TTC13: variants seen among roughly 807,000 people sequenced by gnomAD.
The protein encoded by TTC13 is tetratricopeptide repeat protein 13.
A neutral mutation model predicts 120.0 loss-of-function variants in TTC13; 62 were observed. The observed-to-expected ratio is 0.52, with a 90% CI of 0.42 to 0.64. The LOEUF (loss-of-function observed/expected upper bound fraction) is 0.64. Ranked by LOEUF, TTC13 falls within the 30% of genes least tolerant of loss-of-function variation. The pLI is 0.00. For missense variants in TTC13, 824 were observed against 1,050.2 expected, an observed-to-expected ratio of 0.78 and a Z score of 2.98; for synonymous variants, 384 against 393.5, an observed-to-expected ratio of 0.98 and a Z score of 0.28.
rs4397661 is a variant in TTC13, at chr1:230,944,333, A to G, written c.580-435T>C. 0.88 allele frequency among the ~76,000 whole-genome samples: 133,744 copies of G among 152,286 alleles called. 58,723 individuals are homozygous for G. Among genetic ancestry groups the G allele is most frequent in the East Asian group, 0.98 (5,071 of 5,182 alleles). ...TCTATACCTTAAGAAGTTTAGGTAC[A>G]TTCTCTTTAACATTTGCACATTATT... On this transcript the variant is annotated intron_variant, in intron 5 of 22. Transcript: ENST00000366661. The surrounding 1 kb of genome is among the most constrained non-coding windows in gnomAD (Gnocchi z 4.0).
chr1:230,925,593 A>G lies in TTC13; in HGVS notation c.1512T>C (p.Ile504=). 1 of 1,614,144 alleles carries G rather than the reference A, an allele frequency of 6.2e-7. No individual in the cohort carries two copies. The highest frequency in any genetic ancestry group is 1.1e-5 in the South Asian group (1 of 91,086). ...GGGATCCCAAACGATCAGCCACACA[A>G]ATCAGCTCCTGTACTTCAGGCTTAT... ...ESYKPEVQEL[I]CVADRLGSLM... Residue 504 remains isoleucine (I), a synonymous_variant, in exon 13 of 23, where the codon ATT becomes ATC. Coordinates refer to ENST00000366661, the MANE Select transcript of TTC13 (RefSeq NM_024525.5).
rs776968755 is a variant in TTC13 at position 230,934,450 on chromosome 1, C to T, written c.901-589G>A. Among the ~76,000 whole-genome samples, 3 of 152,278 alleles carry T rather than the reference C, an allele frequency of 2.0e-5. 1 individual carries two copies. Among genetic ancestry groups the T allele is most frequent in the African/African-American group, 7.2e-5 (3 of 41,548 alleles). The stretch of plus-strand genomic sequence containing the variant: ...GGAGGTGTTTGGGGTTAGCTTCCAT[C>T]GGCCTAACACCAAGTCTGTGGCTAA... On this transcript the variant is annotated intron_variant, in intron 8 of 22. Transcript: ENST00000366661.
intron 15 of TTC13, 100 bp from the exon 16 acceptor site, chr1:230,921,604 G>C: frequency 1.5e-6 from 1 of 663,586 alleles, no homozygotes; most frequent in Non-Finnish European, 2.4e-6. Flanking sequence ...AAGAAACTAT[G>C]AGAATAATGT....
At position 230,928,980 on chromosome 1, in the gene TTC13, T is replaced by C. The variant is rs2102825122; in HGVS notation, c.1414A>G (p.Ile472Val). The change falls in exon 12 of 23, where the codon ATA (isoleucine) becomes GTA (valine). Residue 472 changes from isoleucine (I) to valine (V), a missense_variant. Ile to Val is a conservative substitution (Grantham distance 29). Around this residue, in one of 4 missense-constraint regions of TTC13, gnomAD observed 430 missense variants for 626.8 expected, o/e 0.69. Coordinates refer to ENST00000366661, the MANE Select transcript of TTC13 (RefSeq NM_024525.5). ...DHWAKNLPFL[I>V]EDYEEQPGLQ... The stretch of plus-strand genomic sequence containing the variant: ...CCTGGCTGCTCTTCGTAGTCTTCTA[T>C]GAGGAAAGGCAAATTTTTAGCCCAG... The C allele has an allele frequency of 1.2e-6, 2 of 1,614,200 alleles. No homozygotes were observed. Among genetic ancestry groups the C allele is most frequent in the Non-Finnish European group, 1.7e-6 (2 of 1,180,030 alleles).
intron 1 of TTC13, among the ~76,000 whole-genome samples, chr1:230,964,962 T>C (rs1414765321): frequency 6.6e-6 from 1 of 152,186 alleles, no homozygotes; most frequent in Non-Finnish European, 1.5e-5. Flanking sequence ...TCCCTCACCA[T>C]ATACAAAATG....
chr1:230,956,236 C>T (rs1044617178), intron 3 of TTC13, among the ~76,000 whole-genome samples: 4 of 152,238 alleles, frequency 2.6e-5, no homozygotes, highest in African/African-American at 4.8e-5. Flanking sequence ...CAGCCCGGTA[C>T]GCTGAGAAAA....
At chr1:230,930,223 T>C (rs1002086272) in intron 11 of TTC13, among the ~76,000 whole-genome samples, 31 of 152,352 alleles carry the variant, frequency 2.0e-4, no homozygotes, top group African/African-American at 5.8e-4. Flanking sequence ...CAACAAATAA[T>C]GTAAAGTATC....
At chr1:230,964,829 G>A (rs1002371722) in intron 1 of TTC13, among the ~76,000 whole-genome samples, 2 of 152,076 alleles carry the variant, frequency 1.3e-5, no homozygotes, top group Admixed American at 6.5e-5. Context: ...AAATCTACAC[G>A]CCTACAGTGA....
Position 230,917,694 on chromosome 1 carries a change from ACT to A in TTC13, c.1984-1394_1984-1393del, listed in dbSNP as rs1345650163. ...TTGGTGATTTCACACCGAGAGGCACACTGAGGCTGGCGATGCCGCGTCTCAGG... is the reference window on the plus strand; with the variant it reads ...TTGGTGATTTCACACCGAGAGGCACAGAGGCTGGCGATGCCGCGTCTCAGG... On this transcript the variant is annotated intron_variant, in intron 17 of 22. Coordinates refer to ENST00000366661, the MANE Select transcript of TTC13 (RefSeq NM_024525.5). 3.3e-5 allele frequency among the ~76,000 whole-genome samples: 5 copies of A among 152,316 alleles called. No individual in the cohort carries two copies. In the East Asian group the frequency reaches 9.7e-4, roughly 29 times the overall value.
chr1:230,946,012 C>A (rs111895951), intron 4 of TTC13, among the ~76,000 whole-genome samples: 17 of 152,284 alleles, frequency 1.1e-4, no homozygotes, highest in African/African-American at 4.1e-4. Flanking sequence ...ACTCTTTTTG[C>A]AGCCTGCTCC....
intron 4 of TTC13, among the ~76,000 whole-genome samples, chr1:230,945,898 A>T (rs1674947442): frequency 1.3e-5 from 2 of 152,242 alleles, no homozygotes; most frequent in Non-Finnish European, 2.9e-5. Flanking sequence ...AAAGGAAAGA[A>T]CCACTCAGTG....
rs1444471540 is a variant in TTC13, at chr1:230,958,338, T to C, written c.367-39A>G. 7.7e-6 allele frequency: 12 copies of C among 1,559,350 alleles called. No individual in the cohort carries two copies. The Admixed American group carries it at 1.5e-4, about 19-fold the overall frequency. The stretch of plus-strand genomic sequence containing the variant: ...AAAAAAAACCCATACATTTTAGCTA[T>C]CACAAATGAAAGAAAACTTGTATTA... On this transcript the variant is annotated intron_variant, in intron 2 of 22. Coordinates refer to ENST00000366661, the MANE Select transcript of TTC13 (RefSeq NM_024525.5).
rs1180046035 is a variant in TTC13 at position 230,942,335 on chromosome 1, AG to A, written c.672+1470del. 6.6e-6 allele frequency among the ~76,000 whole-genome samples: 1 copy of A among 152,212 alleles called. No individual in the cohort carries two copies. The highest frequency in any genetic ancestry group is 1.5e-5 in the Non-Finnish European group (1 of 68,034). On this transcript the variant is annotated intron_variant, in intron 6 of 22. Coordinates refer to ENST00000366661, the MANE Select transcript of TTC13 (RefSeq NM_024525.5). This position sits in a 1 kb window ranked among gnomAD's most constrained non-coding sequence, Gnocchi z 4.0. ...AACTAAATACCAGCAAGTCTCATGC[AG>A]TGATAAACTATAGTCACTTAACCCT...
intron 17 of TTC13, 183 bp downstream of exon 17, chr1:230,920,327 C>A: frequency 2.3e-6 from 1 of 436,586 alleles, no homozygotes; most frequent in Non-Finnish European, 4.1e-6. Flanking sequence ...ACTGCTTCCT[C>A]ACAAGTTGTT....
chr1:230,910,922 T>C (rs1226002239), intron 20 of TTC13, among the ~76,000 whole-genome samples: 1 of 151,990 alleles, frequency 6.6e-6, no homozygotes, highest in Non-Finnish European at 1.5e-5. Flanking sequence ...GCCATTTACA[T>C]AATTTACTGC....
At chr1:230,933,719 C>A in intron 9 of TTC13, 60 bp downstream of exon 9, 1 of 856,974 alleles carries the variant, frequency 1.2e-6, no homozygotes. Flanking sequence ...TTATGTGAAG[C>A]TATCTTGTCT....
intron 17 of TTC13, among the ~76,000 whole-genome samples, chr1:230,917,530 T>C (rs375500734): frequency 7.8e-4 from 119 of 152,296 alleles, no homozygotes; most frequent in African/African-American, 2.6e-3. Context: ...CACTCAAATA[T>C]CTTGTTGTAT....
At position 230,954,227 on chromosome 1, in the gene TTC13, T is replaced by G. The variant is rs1475613069; in HGVS notation, c.513+106A>C. On this transcript the variant is annotated intron_variant, in intron 4 of 22. Transcript: ENST00000366661. ...TCCATACCAATTTCTTTCACTTTCT[T>G]GTATAATTTAAAAACATGTCGTATT... 5.2e-6 allele frequency: 4 copies of G among 769,260 alleles called. No homozygotes were observed. In the South Asian group the frequency reaches 7.3e-5, roughly 14 times the overall value. The allele number at this position is 769,260 out of a possible 1,614,324, so 47.7% of individuals were successfully genotyped here. A position where few individuals can be genotyped will look rare whatever the true frequency, so the allele number is the denominator to read the frequency against.
At chr1:230,939,313 C>A in intron 8 of TTC13, 73 bp downstream of exon 8, 1 of 852,116 alleles carries the variant, frequency 1.2e-6, no homozygotes. Flanking sequence ...AGCCATCAAT[C>A]AAACGAAATT....
Sources: gnomAD v4.1 joint callset for allele counts (sites outside exome capture counted in the v4.1 genomes callset) on GRCh38, gnomAD v4.1.1 for gene constraint, gnomAD v4.1.1 regional missense constraint, Gnocchi (gnomAD v3.1) non-coding constraint, MANE v1.5 for transcripts, NCBI Gene and HGNC (gene_info 2026-07-23, HGNC 2026-07-21) for gene names.